RAB11FIP4: variants seen among roughly 807,000 people sequenced by gnomAD.
RAB11FIP4 encodes RAB11 family interacting protein 4, also known as rab11 family-interacting protein 4.
Under a neutral mutation model 74.3 loss-of-function variants are expected in RAB11FIP4, and 23 were observed. The observed-to-expected ratio is 0.31, with a 90% confidence interval of 0.22 to 0.44. RAB11FIP4 has a LOEUF of 0.44. RAB11FIP4 is among the 20% of genes least tolerant of loss of function. The pLI is 1.00. For missense variants in RAB11FIP4, 630 were observed against 863.9 expected, an observed-to-expected ratio of 0.73 and a Z score of 3.39; for synonymous variants, 360 against 359.9, an observed-to-expected ratio of 1.00 and a Z score of 0.00.
At position 31,426,675 on chromosome 17, in the gene RAB11FIP4, C is replaced by T. The variant is rs530360751; in HGVS notation, c.160-5138C>T. On this transcript the variant is annotated intron_variant, in intron 1 of 14. Transcript: ENST00000621161. The stretch of plus-strand genomic sequence containing the variant: ...GTGCAATGGCACCATCTTGGCTCAC[C>T]GCAACCTCTGCCTCCCGGGTTCAAG... Among the ~76,000 whole-genome samples the T allele has an allele frequency of 1.8e-3, 271 of 148,238 alleles. 2 individuals carry two copies. Among genetic ancestry groups the T allele is most frequent in the African/African-American group, 6.1e-3 (246 of 40,166 alleles).
chr17:31,433,978 C>T lies in RAB11FIP4; in HGVS notation c.248-56C>T, dbSNP rs145543389. The T allele has an allele frequency of 5.7e-5, 85 of 1,499,208 alleles. No individual in the cohort carries two copies. In the Middle Eastern group the frequency reaches 8.6e-4, roughly 15 times the overall value. 92.9% of individuals were successfully genotyped at this position (1,499,208 alleles called of 1,614,324 possible). A position where few individuals can be genotyped will look rare whatever the true frequency, so the allele number is the denominator to read the frequency against. ...GCCCATTAGTCAGAAGCAGAGCAGC[C>T]GTCCCAGGCTGAGGCTCAACCCCTC... On this transcript the variant is annotated intron_variant, in intron 2 of 14. Coordinates refer to ENST00000621161, the MANE Select transcript of RAB11FIP4 (RefSeq NM_032932.6).
intron 3 of RAB11FIP4, among the ~76,000 whole-genome samples, chr17:31,440,708 G>A (rs2071399533): frequency 6.6e-6 from 1 of 152,234 alleles, no homozygotes; most frequent in East Asian, 1.9e-4. Context: ...GGCGGAGGTT[G>A]CAGTGAGCTG....
chr17:31,468,761 C>T (rs376798830), intron 3 of RAB11FIP4, among the ~76,000 whole-genome samples: 9 of 151,760 alleles, frequency 5.9e-5, no homozygotes, highest in East Asian at 3.9e-4. Flanking sequence ...ACCCAGGAGG[C>T]GGAGGTTGCA....
chr17:31,436,279 C>T (rs540991975), intron 3 of RAB11FIP4, among the ~76,000 whole-genome samples: 16 of 152,184 alleles, frequency 1.1e-4, no homozygotes, highest in Non-Finnish European at 1.9e-4. Flanking sequence ...ACCCCTAATA[C>T]GTGCTAATTC....
intron 3 of RAB11FIP4, among the ~76,000 whole-genome samples, chr17:31,492,053 G>A (rs145789576): frequency 1.5e-3 from 227 of 152,292 alleles, no homozygotes; most frequent in African/African-American, 5.1e-3. Flanking sequence ...CTGTTCCCAC[G>A]GGTCAGCTCC....
chr17:31,396,251 C>T (rs1408069571), intron 1 of RAB11FIP4, among the ~76,000 whole-genome samples: 2 of 151,586 alleles, frequency 1.3e-5, no homozygotes, highest in Middle Eastern at 3.4e-3. Context: ...GATGGGGGCA[C>T]ACCACTGCCC....
intron 3 of RAB11FIP4, among the ~76,000 whole-genome samples, chr17:31,442,077 C>G (rs1017250482): frequency 4.6e-5 from 7 of 151,992 alleles, no homozygotes; most frequent in African/African-American, 1.7e-4. Context: ...CGGCTCACCG[C>G]AAGCTCCGCC....
intron 3 of RAB11FIP4, among the ~76,000 whole-genome samples, chr17:31,517,224 A>AGGGGG (rs2072574206): frequency 3.0e-5 from 3 of 98,848 alleles, no homozygotes; most frequent in Admixed American, 1.0e-4. Flanking sequence ...GCGGGGGGGA[A>AGGGGG]GGGGATGCAA....
chr17:31,394,711 G>T (rs982405268), intron 1 of RAB11FIP4, among the ~76,000 whole-genome samples: 3 of 152,136 alleles, frequency 2.0e-5, no homozygotes, highest in Admixed American at 6.5e-5. Context: ...GCTGCCTGCG[G>T]GCTGGAGAAG....
At chr17:31,454,910 G>T (rs1377586588) in intron 3 of RAB11FIP4, among the ~76,000 whole-genome samples, 2 of 152,046 alleles carry the variant, frequency 1.3e-5, no homozygotes, top group Non-Finnish European at 2.9e-5. Context: ...ACTGTCTGTG[G>T]GCTCTAGGGA....
At chr17:31,440,269 T>C (rs1052529319) in intron 3 of RAB11FIP4, among the ~76,000 whole-genome samples, 4 of 152,226 alleles carry the variant, frequency 2.6e-5, no homozygotes, top group African/African-American at 7.2e-5. Context: ...TTCCTAATGT[T>C]GAATAGTCCC....
intron 3 of RAB11FIP4, among the ~76,000 whole-genome samples, chr17:31,455,112 C>T (rs2071566917): frequency 6.6e-6 from 1 of 152,116 alleles, no homozygotes; most frequent in African/African-American, 2.4e-5. Flanking sequence ...AGAAAAAAGG[C>T]ATACGAATTT....
At chr17:31,406,951 C>A (rs186705907) in intron 1 of RAB11FIP4, among the ~76,000 whole-genome samples, 47 of 149,272 alleles carry the variant, frequency 3.1e-4, no homozygotes. Context: ...CCATCTCTAA[C>A]AAGAATAAAT....
intron 1 of RAB11FIP4, among the ~76,000 whole-genome samples, chr17:31,400,559 G>A (rs546834823): frequency 1.3e-5 from 2 of 152,322 alleles, no homozygotes; most frequent in South Asian, 2.1e-4. Context: ...AGAAGGGGCC[G>A]GGGAGAGGCA....
intron 3 of RAB11FIP4, among the ~76,000 whole-genome samples, chr17:31,436,016 G>A (rs985692906): frequency 6.6e-6 from 1 of 152,230 alleles, no homozygotes; most frequent in African/African-American, 2.4e-5. Context: ...TTAGGAAAGA[G>A]GACCTCCACT....
chr17:31,399,643 G>A (rs1002817725), intron 1 of RAB11FIP4, among the ~76,000 whole-genome samples: 1 of 152,128 alleles, frequency 6.6e-6, no homozygotes, highest in Non-Finnish European at 1.5e-5. Flanking sequence ...AACCCGGGAG[G>A]CGGAGGTTGC....
chr17:31,496,697 C>T lies in RAB11FIP4; in HGVS notation c.337-20954C>T, dbSNP rs568782093. 4.6e-5 allele frequency among the ~76,000 whole-genome samples: 7 copies of T among 152,362 alleles called. No homozygotes were observed. The South Asian group carries it at 1.4e-3, about 32-fold the overall frequency. ...GGGGAGGAGGGCTCTGCCTGATGGC[C>T]TGGATGGCACAGACCTCAGAAGCCC... On this transcript the variant is annotated intron_variant, in intron 3 of 14. Coordinates refer to ENST00000621161, the MANE Select transcript of RAB11FIP4 (RefSeq NM_032932.6).
intron 3 of RAB11FIP4, among the ~76,000 whole-genome samples, chr17:31,452,461 C>T (rs564085967): frequency 3.9e-5 from 6 of 152,298 alleles, no homozygotes; most frequent in Admixed American, 1.3e-4. Context: ...TGGGCTCTCT[C>T]GCTTTCCTGT....
chr17:31,509,477 C>T (rs2142789791), intron 3 of RAB11FIP4: 1 of 152,442 alleles, frequency 6.6e-6, no homozygotes, highest in Non-Finnish European at 1.5e-5. Context: ...CACACCCTTT[C>T]TGGGGTGAGT....
Sources: allele counts gnomAD v4.1 joint callset (sites outside exome capture counted in the v4.1 genomes callset), GRCh38; gene constraint gnomAD v4.1.1; transcripts MANE v1.5; gene names NCBI Gene and HGNC (gene_info 2026-07-23, HGNC 2026-07-21).